Variants in GGA3 observed in about 807,000 individuals in gnomAD.
GGA3 encodes golgi associated, gamma adaptin ear containing, ARF binding protein 3.
In GGA3, 57 loss-of-function variants were observed where a neutral mutation model predicts 77.5. The ratio of observed to expected loss-of-function variants is 0.74; its 90% CI spans 0.59 to 0.92. The LOEUF is 0.92. GGA3 is among the 40% of genes least tolerant of loss of function. GGA3 has a pLI of 0.00. For missense variants in GGA3, 970 were observed against 914.9 expected (o/e 1.06, Z -0.78); for synonymous variants, 416 against 383.7 (o/e 1.08, Z -0.98).
intron 7 of GGA3, 57 bp from the exon 8 acceptor site, chr17:75,242,530 T>C: frequency 1.2e-6 from 2 of 1,602,048 alleles, no homozygotes; most frequent in South Asian, 1.1e-5. Flanking sequence ...TCTTTCCACT[T>C]CCACCAGGTC....
At position 75,243,512 on chromosome 17, in the gene GGA3, C is replaced by A. The variant is rs1215815088; in HGVS notation, c.359G>T (p.Ser120Ile). 6.2e-7 allele frequency: 1 copy of A among 1,614,026 alleles called. No individual in the cohort carries two copies. The highest frequency in any genetic ancestry group is 1.3e-5 in the African/African-American group (1 of 74,940). ...TTCTTCTGGCAGGGCCATGGTCCAG[C>A]TGTACAGCAGCTCAATAACCTTGGT... ...VKTKVIELLY[S>I]WTMALPEEAK... The change falls in exon 5 of 17, where the codon AGC becomes ATC. Residue 120 changes from serine to isoleucine, a missense_variant. Transcript: ENST00000537686.
intron 1 of GGA3, among the ~76,000 whole-genome samples, chr17:75,255,853 G>A (rs953172747): frequency 1.3e-5 from 2 of 152,014 alleles, no homozygotes; most frequent in Non-Finnish European, 2.9e-5. Flanking sequence ...CTTTGCACCC[G>A]TCATCCCAGC....
intron 3 of GGA3, 136 bp downstream of exon 3, chr17:75,246,373 C>T (rs751339514): frequency 7.8e-6 from 5 of 641,198 alleles, no homozygotes; most frequent in South Asian, 3.7e-5. Context: ...TGAACAGATT[C>T]GAGATCTATC....
chr17:75,237,346 G>C lies in GGA3; in HGVS notation c.*933C>G. ...GTGATCCTGAGGCCTCCTGTGTCCA[G>C]CCACAGGTGCCACACCACATGCCAT... On this transcript the variant is annotated 3_prime_UTR_variant, in exon 17 of 17. Coordinates refer to ENST00000537686, the MANE Select transcript of GGA3 (RefSeq NM_138619.4). The C allele has an allele frequency of 1.3e-6, 1 of 787,872 alleles. No individual in the cohort carries two copies. The highest frequency in any genetic ancestry group is 2.7e-5 in the East Asian group (1 of 37,448). 48.8% of individuals were successfully genotyped at this position (787,872 alleles called of 1,614,324 possible).
chr17:75,242,600 TGG>T, intron 7 of GGA3, 127 bp from the exon 8 acceptor site: 1 of 1,108,272 alleles, frequency 9.0e-7, no homozygotes, highest in Non-Finnish European at 1.3e-6. Flanking sequence ...GTGGGGTGCC[TGG>T]GGCCCAGTCT....
chr17:75,261,411 G>A, intron 1 of GGA3, 137 bp downstream of exon 1: 1 of 586,608 alleles, frequency 1.7e-6, no homozygotes, highest in Admixed American at 4.1e-5. Context: ...CGTGATCGCA[G>A]GCTGCTCGCG....
At position 75,236,718 on chromosome 17, in the gene GGA3, CTG is replaced by C. The variant is rs1189676370; in HGVS notation, c.*1559_*1560del. 6.5e-6 allele frequency: 1 copy of C among 152,940 alleles called. No individual in the cohort carries two copies. The highest frequency in any genetic ancestry group is 2.4e-5 in the African/African-American group (1 of 41,480). The allele number at this position is 152,940 out of a possible 1,614,324, so 9.5% of individuals were successfully genotyped here. A position where few individuals can be genotyped will look rare whatever the true frequency, so the allele number is the denominator to read the frequency against. On this transcript the variant is annotated 3_prime_UTR_variant, in exon 17 of 17. Coordinates refer to ENST00000537686, the MANE Select transcript of GGA3 (RefSeq NM_138619.4). Reference sequence around the variant, plus strand: ...ACAGTAACGAGTAACACTCAAATAACTGTAATGTCTAGAGCATAACACAAAGT... The same window carrying C: ...ACAGTAACGAGTAACACTCAAATAACTAATGTCTAGAGCATAACACAAAGT...
chr17:75,258,663 C>T (rs556172944), intron 1 of GGA3, among the ~76,000 whole-genome samples: 4 of 152,248 alleles, frequency 2.6e-5, no homozygotes, highest in African/African-American at 9.6e-5. Flanking sequence ...GTGCAAGACT[C>T]TGTCTCAAAT....
chr17:75,242,745 A>G, intron 7 of GGA3, 86 bp downstream of exon 7: 1 of 1,187,120 alleles, frequency 8.4e-7, no homozygotes, highest in Admixed American at 1.7e-5. Context: ...GGAGAACAAA[A>G]CAGGCCCGTG....
rs116025386 is a variant in GGA3, at chr17:75,259,288, T to C, written c.40+2260A>G. ...CATCCAACTAAAGGCAAAATCTTCT[T>C]AAACTTCCTAACTCCTATAACACCC... On this transcript the variant is annotated intron_variant, in intron 1 of 16. Transcript: ENST00000537686. Among the ~76,000 whole-genome samples, 848 of 152,214 alleles carry C rather than the reference T, an allele frequency of 5.6e-3. 7 individuals are homozygous for C. The highest frequency in any genetic ancestry group is 0.019 in the African/African-American group (799 of 41,518).
chr17:75,246,930 C>G (rs900965053), intron 1 of GGA3, 134 bp from the exon 2 acceptor site: 3 of 636,900 alleles, frequency 4.7e-6, no homozygotes, highest in Non-Finnish European at 8.3e-6. Context: ...CTCAGTAGAA[C>G]AGTCAGTAGC....
At chr17:75,247,351 C>A (rs2076796517) in intron 1 of GGA3, among the ~76,000 whole-genome samples, 1 of 151,910 alleles carries the variant, frequency 6.6e-6, no homozygotes, top group Admixed American at 6.6e-5. Context: ...CAGCCTCTGC[C>A]TCCCGGGTTC....
At chr17:75,240,770 G>T (rs776354208) in intron 11 of GGA3, 42 bp downstream of exon 11, 1 of 1,568,016 alleles carries the variant, frequency 6.4e-7, no homozygotes, top group Non-Finnish European at 8.6e-7. Flanking sequence ...TCCTCCCAGA[G>T]CCCTGTCAGG....
chr17:75,238,012 A>G lies in GGA3; in HGVS notation c.*267T>C, dbSNP rs2076381472. The G allele has an allele frequency of 8.0e-7, 1 of 1,251,538 alleles. No homozygotes were observed. Among genetic ancestry groups the G allele is most frequent in the Admixed American group, 4.0e-5 (1 of 25,190 alleles). 77.5% of individuals were successfully genotyped at this position (1,251,538 alleles called of 1,614,324 possible). On this transcript the variant is annotated 3_prime_UTR_variant, in exon 17 of 17. Transcript: ENST00000537686. ...GCCTGGGGGTCCATGTTCCCGGGAC[A>G]GCAGTGAAGTCAGGGGCCACTCCGC...
intron 10 of GGA3, 39 bp downstream of exon 10, chr17:75,241,361 G>C: frequency 7.6e-7 from 1 of 1,317,886 alleles, no homozygotes; most frequent in Non-Finnish European, 1.1e-6. Flanking sequence ...CCTGAGGCTG[G>C]TCTGGAGGAG....
At position 75,237,632 on chromosome 17, in the gene GGA3, A is replaced by T; in HGVS notation, c.*647T>A. ...CATGTCCTGCCAAGATGTCCATAGG[A>T]CACAGCCTGCCACTGCCAGGGACAA... is the stretch of plus-strand genomic sequence containing the variant. On this transcript the variant is annotated 3_prime_UTR_variant, in exon 17 of 17. Coordinates refer to ENST00000537686, the MANE Select transcript of GGA3 (RefSeq NM_138619.4). 5 of 1,513,120 alleles carry T rather than the reference A, an allele frequency of 3.3e-6. No homozygotes were observed. Among genetic ancestry groups the T allele is most frequent in the Non-Finnish European group, 4.4e-6 (5 of 1,133,682 alleles). 93.7% of individuals were successfully genotyped at this position (1,513,120 alleles called of 1,614,324 possible). A position where few individuals can be genotyped will look rare whatever the true frequency, so the allele number is the denominator to read the frequency against.
At chr17:75,261,810 T>C, upstream of GGA3, 1 of 1,381,128 alleles carries the variant, frequency 7.2e-7, no homozygotes, top group Non-Finnish European at 9.9e-7. Context: ...AACGCAGATT[T>C]AGGACCCTGA....
chr17:75,237,406 TGTAGAGTGGCG>T lies in GGA3; in HGVS notation c.*862_*872del. The T allele has an allele frequency of 7.7e-7, 1 of 1,305,032 alleles. No homozygotes were observed. Among genetic ancestry groups the T allele is most frequent in the Non-Finnish European group, 1.1e-6 (1 of 935,814 alleles). The allele number at this position is 1,305,032 out of a possible 1,614,324, so 80.8% of individuals were successfully genotyped here. A position where few individuals can be genotyped will look rare whatever the true frequency, so the allele number is the denominator to read the frequency against. ...GGAGAGGGAGGCCAAAGCAGTAGGA[TGTAGAGTGGCG>T]GTAGATTCCAAGGGGAGGATAGCAG... On this transcript the variant is annotated 3_prime_UTR_variant, in exon 17 of 17. Transcript: ENST00000537686.
chr17:75,261,511 G>A (rs779078493), intron 1 of GGA3, 37 bp downstream of exon 1: 6 of 1,477,254 alleles, frequency 4.1e-6, no homozygotes, highest in South Asian at 2.7e-5. Flanking sequence ...GCAGCCCAGC[G>A]GCTCGAGGGC....
Sources: gnomAD v4.1 joint callset for allele counts (sites outside exome capture counted in the v4.1 genomes callset) on GRCh38, gnomAD v4.1.1 for gene constraint, MANE v1.5 for transcripts, NCBI Gene and HGNC (gene_info 2026-07-23, HGNC 2026-07-21) for gene names.